The following DMXL2 variants were observed in gnomAD, a reference collection of about 807,000 sequenced individuals.
The protein encoded by DMXL2 is dmX-like protein 2.
Under a neutral mutation model 331.1 loss-of-function variants are expected in DMXL2, and 103 were observed. The observed-to-expected ratio is 0.31, with a 90% confidence interval of 0.27 to 0.37. DMXL2 has a LOEUF of 0.37. DMXL2 is among the 10% of genes least tolerant of loss of function. DMXL2 has a pLI of 1.00. For synonymous variants in DMXL2, 1,281 were observed against 1,252.1 expected (o/e 1.02, Z -0.49); for missense variants, 3,171 against 3,642.9 (o/e 0.87, Z 3.33).
intron 8 of DMXL2, 96 bp downstream of exon 8, chr15:51,545,487 C>T (rs897023506): frequency 1.9e-6 from 2 of 1,062,180 alleles, no homozygotes; most frequent in Admixed American, 2.0e-5. Context: ...TCACTCATTA[C>T]ATGTACCATG....
At chr15:51,538,703 T>C (rs542327314) in intron 9 of DMXL2, among the ~76,000 whole-genome samples, 31 of 152,226 alleles carry the variant, frequency 2.0e-4, no homozygotes, top group African/African-American at 7.0e-4. Context: ...GAATTCCAGT[T>C]TGGGGACAGG....
chr15:51,514,825 A>G (rs1026302578), intron 14 of DMXL2, among the ~76,000 whole-genome samples: 27 of 37,882 alleles, frequency 7.1e-4, no homozygotes, highest in African/African-American at 2.1e-3. Context: ...GCTTCTCAGG[A>G]AAAAAAAAAA....
intron 40 of DMXL2, among the ~76,000 whole-genome samples, chr15:51,454,574 G>GGCA (rs1179720838): frequency 1.3e-5 from 2 of 152,084 alleles, no homozygotes; most frequent in Non-Finnish European, 2.9e-5. Context: ...TCAGCTCACT[G>GGCA]CAACCTCCGC....
At chr15:51,495,278 G>A (rs1009783485) in intron 18 of DMXL2, 144 bp from the exon 19 acceptor site, 2 of 442,544 alleles carry the variant, frequency 4.5e-6, no homozygotes, top group Admixed American at 4.0e-5. Flanking sequence ...ACACTTTAAC[G>A]TCTTTACAAA....
intron 23 of DMXL2, among the ~76,000 whole-genome samples, chr15:51,484,832 C>A (rs934948469): frequency 1.3e-5 from 2 of 151,806 alleles, no homozygotes; most frequent in Non-Finnish European, 2.9e-5. Context: ...TAAATGAAAT[C>A]AGGCAAAGAA....
At chr15:51,455,882 C>A (rs573413810) in intron 39 of DMXL2, among the ~76,000 whole-genome samples, 184 bp downstream of exon 39, 11 of 152,120 alleles carry the variant, frequency 7.2e-5, no homozygotes, top group African/African-American at 2.7e-4. Flanking sequence ...TTAATCCATA[C>A]TAAATTTTGT....
intron 43 of DMXL2, among the ~76,000 whole-genome samples, chr15:51,449,485 T>A (rs1197806530): frequency 6.6e-6 from 1 of 152,222 alleles, no homozygotes; most frequent in East Asian, 1.9e-4. Context: ...GTGTTCCTCA[T>A]GCTGAGCTAG....
rs377032691 is a variant in DMXL2 at position 51,480,675 on chromosome 15, C to A, written c.6431G>T (p.Arg2144Leu). The A allele has an allele frequency of 1.9e-6, 3 of 1,612,616 alleles. No individual in the cohort carries two copies. The African/African-American group carries it at 4.0e-5, about 22-fold the overall frequency. ...TTGGTTTTTCTGCAACCACGACTTT[C>A]GTCTTTCTGCATGCTCTCGTTTGGC... is the stretch of plus-strand genomic sequence containing the variant. ...LQAKREHAER[R>L]KSWLQKNQDL... The change falls in exon 24 of 44, where the codon CGA becomes CTA. Residue 2144 changes from arginine to leucine, a missense_variant. By Grantham distance (102) the Arg-to-Leu change is moderately radical (BLOSUM62 -2). Coordinates refer to ENST00000560891, the MANE Select transcript of DMXL2 (RefSeq NM_001378457.1).
rs1479079827 is a variant in DMXL2 at position 51,448,953 on chromosome 15, T to C, written c.*31A>G. The C allele has an allele frequency of 6.2e-7, 1 of 1,604,474 alleles. No homozygotes were observed. Among genetic ancestry groups the C allele is most frequent in the African/African-American group, 1.3e-5 (1 of 74,570 alleles). On this transcript the variant is annotated 3_prime_UTR_variant, in exon 44 of 44. Coordinates refer to ENST00000560891, the MANE Select transcript of DMXL2 (RefSeq NM_001378457.1). ...TGATGACTGTAGTGTGCCTTTTAACTGAAATGTATATAAAAATAAAACCCC... is the reference window on the plus strand; with the variant it reads ...TGATGACTGTAGTGTGCCTTTTAACCGAAATGTATATAAAAATAAAACCCC...
intron 43 of DMXL2, among the ~76,000 whole-genome samples, chr15:51,449,650 T>A (rs2038962959): frequency 6.6e-6 from 1 of 152,206 alleles, no homozygotes; most frequent in African/African-American, 2.4e-5. Context: ...TCATAGTAAG[T>A]TGAAAATATT....
Position 51,563,377 on chromosome 15 carries a change from T to C in DMXL2, c.567+4A>G. On this transcript the variant is annotated splice_donor_region_variant and intron_variant, in intron 6 of 43. Coordinates refer to ENST00000560891, the MANE Select transcript of DMXL2 (RefSeq NM_001378457.1). ...ATTTCGTATGTTTTTGTTTGATCCT[T>C]TACCTTTCCAGCAGTAGCAAAATAT... is the stretch of plus-strand genomic sequence containing the variant. 3 of 1,597,668 alleles carry C rather than the reference T, an allele frequency of 1.9e-6. No homozygotes were observed. The highest frequency in any genetic ancestry group is 1.3e-5 in the African/African-American group (1 of 74,302).
chr15:51,541,732 T>C (rs1262458787), intron 9 of DMXL2, among the ~76,000 whole-genome samples: 1 of 152,158 alleles, frequency 6.6e-6, no homozygotes, highest in East Asian at 1.9e-4. Context: ...ATAGCCTTTC[T>C]CCTACATTTC....
At chr15:51,495,242 A>C in intron 18 of DMXL2, 108 bp from the exon 19 acceptor site, 1 of 648,222 alleles carries the variant, frequency 1.5e-6, no homozygotes, top group Non-Finnish European at 2.6e-6. Context: ...TATAAAATAC[A>C]TAAGTTTTAG....
intron 22 of DMXL2, 103 bp from the exon 23 acceptor site, chr15:51,486,440 T>C: frequency 3.3e-6 from 3 of 911,742 alleles, no homozygotes; most frequent in Non-Finnish European, 4.9e-6. Context: ...TATATCCTAA[T>C]GGTGGGCGAA....
intron 19 of DMXL2, among the ~76,000 whole-genome samples, chr15:51,493,285 T>C (rs1010385316): frequency 2.0e-5 from 3 of 152,148 alleles, no homozygotes; most frequent in African/African-American, 4.8e-5. Flanking sequence ...ATATAAAATA[T>C]ATAATATAAA....
intron 8 of DMXL2, among the ~76,000 whole-genome samples, chr15:51,543,179 G>A (rs79719335): frequency 0.016 from 2,491 of 152,076 alleles, 23 homozygotes; most frequent in Middle Eastern, 0.041. Context: ...TGTCATTCTT[G>A]GCATTATCTT....
intron 5 of DMXL2, 44 bp from the exon 6 acceptor site, chr15:51,563,491 T>A (rs1417241716): frequency 7.2e-7 from 1 of 1,386,338 alleles, no homozygotes; most frequent in Non-Finnish European, 1.0e-6. Context: ...TAAAATCTGG[T>A]GTACTGTATA....
chr15:51,529,027 T>C (rs2047847447), intron 13 of DMXL2, among the ~76,000 whole-genome samples: 1 of 152,030 alleles, frequency 6.6e-6, no homozygotes. Flanking sequence ...AATGAAGAAA[T>C]TAAAAAGAAA....
intron 20 of DMXL2, among the ~76,000 whole-genome samples, chr15:51,489,551 G>A (rs1368145976): frequency 6.6e-6 from 1 of 152,016 alleles, no homozygotes; most frequent in Admixed American, 6.5e-5. Flanking sequence ...CAGCTACTTG[G>A]AGGCTGGTTG....
Sources: allele counts gnomAD v4.1 joint callset (sites outside exome capture counted in the v4.1 genomes callset), GRCh38; gene constraint gnomAD v4.1.1; transcripts MANE v1.5; gene names NCBI Gene and HGNC (gene_info 2026-07-23, HGNC 2026-07-21).